Variants in ADAMTS2 observed in about 807,000 individuals in gnomAD.
ADAMTS2 encodes ADAM metallopeptidase with thrombospondin type 1 motif 2.
A neutral mutation model predicts 123.0 loss-of-function variants in ADAMTS2; 50 were observed. That is an observed-to-expected ratio of 0.41 (90% CI 0.32 to 0.51). ADAMTS2 has a LOEUF of 0.51. Among genes scored for constraint, ADAMTS2 ranks in the 20% least tolerant of loss-of-function variants. The pLI is 0.35. For missense variants in ADAMTS2, 1,494 were observed against 1,705.2 expected, an observed-to-expected ratio of 0.88 and a Z score of 2.18; for synonymous variants, 678 against 695.4, an observed-to-expected ratio of 0.98 and a Z score of 0.39.
intron 2 of ADAMTS2, among the ~76,000 whole-genome samples, chr5:179,322,568 C>T (rs1051584518): frequency 1.3e-5 from 2 of 152,166 alleles, no homozygotes; most frequent in African/African-American, 4.8e-5. Context: ...GCGAGGAGGC[C>T]GTGAGCCAAT....
chr5:179,287,285 A>G (rs1199548472), intron 2 of ADAMTS2, among the ~76,000 whole-genome samples: 1 of 152,196 alleles, frequency 6.6e-6, no homozygotes, highest in East Asian at 1.9e-4. Context: ...TGGGATGCCC[A>G]TCTCACCCTT....
intron 2 of ADAMTS2, among the ~76,000 whole-genome samples, chr5:179,328,866 T>C (rs573227787): frequency 2.6e-5 from 4 of 152,208 alleles, no homozygotes; most frequent in Non-Finnish European, 5.9e-5. Context: ...TTAAACATCA[T>C]GAAGATGTCG....
intron 4 of ADAMTS2, among the ~76,000 whole-genome samples, chr5:179,183,219 G>C (rs1365608709): frequency 6.6e-6 from 1 of 152,192 alleles, no homozygotes; most frequent in Non-Finnish European, 1.5e-5. Flanking sequence ...AGCCTTAAAA[G>C]CCAGTTTTTC....
At chr5:179,281,445 T>C (rs981379227) in intron 2 of ADAMTS2, among the ~76,000 whole-genome samples, 1 of 152,262 alleles carries the variant, frequency 6.6e-6, no homozygotes, top group African/African-American at 2.4e-5. Flanking sequence ...TCACATGCTA[T>C]GTGGCCTTTT....
At chr5:179,216,856 G>C (rs989908277) in intron 3 of ADAMTS2, among the ~76,000 whole-genome samples, 2 of 152,240 alleles carry the variant, frequency 1.3e-5, no homozygotes, top group African/African-American at 4.8e-5. Flanking sequence ...GCTAGGAAAC[G>C]GCGGAGGTGG....
intron 10 of ADAMTS2, among the ~76,000 whole-genome samples, chr5:179,146,464 C>T (rs1009957305): frequency 2.0e-5 from 3 of 152,218 alleles, no homozygotes. Flanking sequence ...GGATGAGCAA[C>T]GCTCAGTAGC....
chr5:179,138,442 T>C (rs1029694415), intron 11 of ADAMTS2, among the ~76,000 whole-genome samples: 3 of 152,210 alleles, frequency 2.0e-5, no homozygotes, highest in African/African-American at 7.2e-5. Flanking sequence ...AGCAAGTGTC[T>C]TGGCACAAAG....
chr5:179,158,636 C>G lies in ADAMTS2; in HGVS notation c.1132+87G>C. 1 of 1,587,078 alleles carries G rather than the reference C, an allele frequency of 6.3e-7. No individual in the cohort carries two copies. Among genetic ancestry groups the G allele is most frequent in the Non-Finnish European group, 8.6e-7 (1 of 1,160,478 alleles). Reference sequence around the variant, plus strand: ...CCCTGCCCTGACACTCTTCCCTGGGCTGGGCCAAGGCTCCCGGGGCCCCTT... The same window carrying G: ...CCCTGCCCTGACACTCTTCCCTGGGGTGGGCCAAGGCTCCCGGGGCCCCTT... On this transcript the variant is annotated intron_variant, in intron 6 of 21. Transcript: ENST00000251582. The surrounding 1 kb of genome is among the most constrained non-coding windows in gnomAD (Gnocchi z 5.0).
intron 2 of ADAMTS2, among the ~76,000 whole-genome samples, chr5:179,298,051 C>G (rs1268289077): frequency 6.6e-6 from 1 of 152,132 alleles, no homozygotes; most frequent in Non-Finnish European, 1.5e-5. Context: ...CTGGCCGCCC[C>G]CAGCTGCTCC....
intron 2 of ADAMTS2, among the ~76,000 whole-genome samples, chr5:179,305,885 G>A (rs1326003259): frequency 6.6e-6 from 1 of 152,092 alleles, no homozygotes; most frequent in Non-Finnish European, 1.5e-5. Flanking sequence ...TTGAAGAAAT[G>A]CATGATTTCC....
In ADAMTS2 at chr5:179,262,779, C is replaced by A. The variant is rs1296307081; in HGVS notation, c.688+10132G>T. Among the ~76,000 whole-genome samples the A allele has an allele frequency of 6.6e-6, 1 of 152,266 alleles. No individual in the cohort carries two copies. Among genetic ancestry groups the A allele is most frequent in the African/African-American group, 2.4e-5 (1 of 41,474 alleles). ...GTCTGCGAGCATCTGCTCACCAGGT[C>A]TCCCCTGCGGGGCTGTGAGCCCAGA... On this transcript the variant is annotated intron_variant, in intron 3 of 21. Transcript: ENST00000251582. This position sits in a 1 kb window ranked among gnomAD's most constrained non-coding sequence, Gnocchi z 5.9.
At position 179,344,074 on chromosome 5, in the gene ADAMTS2, G is replaced by A. The variant is rs916172129; in HGVS notation, c.227C>T (p.Ser76Leu). The change falls in exon 2 of 22, where the codon TCG (serine) becomes TTG (leucine). Residue 76 changes from serine to leucine, a missense_variant. Physicochemically the swap from Ser to Leu is moderately radical, Grantham distance 145. Around this residue, in one of 6 missense-constraint regions of ADAMTS2, gnomAD observed 237 missense variants for 233.7 expected, o/e 1.01. Transcript: ENST00000251582. ...AQGRLVSHVVSAATSRAGVRA... is the reference protein window; with the variant it reads ...AQGRLVSHVVLAATSRAGVRA... ...TACCCCTGCTCTGGACGTAGCTGCC[G>A]ACACCACGTGGGACACCAAGCGGCC... 6 of 1,611,384 alleles carry A rather than the reference G, an allele frequency of 3.7e-6. No homozygotes were observed. Among genetic ancestry groups the A allele is most frequent in the Admixed American group, 1.7e-5 (1 of 59,968 alleles).
At chr5:179,286,357 G>A (rs146113330) in intron 2 of ADAMTS2, among the ~76,000 whole-genome samples, 22 of 151,464 alleles carry the variant, frequency 1.5e-4, no homozygotes, top group Non-Finnish European at 3.1e-4. Flanking sequence ...TGCACACACC[G>A]CCCCTCCCTT....
chr5:179,324,548 G>A (rs186850121), intron 2 of ADAMTS2, among the ~76,000 whole-genome samples: 4 of 152,066 alleles, frequency 2.6e-5, no homozygotes, highest in Non-Finnish European at 5.9e-5. Flanking sequence ...CCGCCACCAC[G>A]CCCGGCTAGT....
intron 3 of ADAMTS2, among the ~76,000 whole-genome samples, chr5:179,213,666 C>T (rs1043805534): frequency 1.3e-5 from 2 of 152,150 alleles, no homozygotes; most frequent in African/African-American, 4.8e-5. Context: ...TGAGATGGAA[C>T]AAAATCCAGC....
At chr5:179,121,449 C>G (rs944319576) in intron 21 of ADAMTS2, 17 of 394,486 alleles carry the variant, frequency 4.3e-5, no homozygotes, top group Non-Finnish European at 6.9e-5. Context: ...CCAGGTTCGG[C>G]CCCAGCAGAG....
At chr5:179,335,688 C>G (rs1757595299) in intron 2 of ADAMTS2, among the ~76,000 whole-genome samples, 2 of 152,210 alleles carry the variant, frequency 1.3e-5, no homozygotes, top group African/African-American at 2.4e-5. Flanking sequence ...TCTCAAGCCC[C>G]TTTTCATCAT....
At chr5:179,200,950 G>A (rs1764549269) in intron 4 of ADAMTS2, among the ~76,000 whole-genome samples, 1 of 152,146 alleles carries the variant, frequency 6.6e-6, no homozygotes, top group Non-Finnish European at 1.5e-5. Flanking sequence ...AGAATCAAGG[G>A]CATGAATAGG....
chr5:179,201,990 A>G lies in ADAMTS2; in HGVS notation c.891+5523T>C, dbSNP rs114908805. On this transcript the variant is annotated intron_variant, in intron 4 of 21. Coordinates refer to ENST00000251582, the MANE Select transcript of ADAMTS2 (RefSeq NM_014244.5). ...TTTCTGTGCCCAGGTGGCCTCATGAAGTGCTCCATTTCCAAGCCGCTTCCC... is the reference window on the plus strand; with the variant it reads ...TTTCTGTGCCCAGGTGGCCTCATGAGGTGCTCCATTTCCAAGCCGCTTCCC... 3.3e-3 allele frequency among the ~76,000 whole-genome samples: 498 copies of G among 152,226 alleles called. 1 individual carries two copies. Among genetic ancestry groups the G allele is most frequent in the African/African-American group, 0.011 (474 of 41,536 alleles).
Sources: allele counts gnomAD v4.1 joint callset (sites outside exome capture counted in the v4.1 genomes callset), GRCh38; gene constraint gnomAD v4.1.1; regional missense constraint gnomAD v4.1.1; non-coding constraint Gnocchi (gnomAD v3.1); transcripts MANE v1.5; gene names NCBI Gene and HGNC (gene_info 2026-07-23, HGNC 2026-07-21).